PIBF1: variants seen among roughly 807,000 people sequenced by gnomAD.
PIBF1 encodes progesterone immunomodulatory binding factor 1.
A neutral mutation model predicts 112.5 loss-of-function variants in PIBF1; 90 were observed. The observed-to-expected ratio is 0.80, with a 90% CI of 0.67 to 0.95. PIBF1 has a LOEUF of 0.95. PIBF1 is among the 40% of genes least tolerant of loss of function. The pLI, the probability that PIBF1 is intolerant of heterozygous loss-of-function variation, is 0.00. For synonymous variants in PIBF1, 301 were observed against 288.6 expected (o/e 1.04, Z -0.44); for missense variants, 915 against 852.3 (o/e 1.07, Z -0.92).
chr13:72,937,485 A>G (rs897442982), intron 14 of PIBF1, among the ~76,000 whole-genome samples: 1 of 152,174 alleles, frequency 6.6e-6, no homozygotes, highest in Non-Finnish European at 1.5e-5. Context: ...ATTTATACAC[A>G]TATAAACTCC....
intron 5 of PIBF1, among the ~76,000 whole-genome samples, chr13:72,808,068 T>C (rs533245605): frequency 1.3e-5 from 2 of 152,358 alleles, no homozygotes; most frequent in Admixed American, 1.3e-4. Context: ...TACCATTTAA[T>C]GGGCATTTGA....
At chr13:72,878,323 G>A (rs896499240) in intron 10 of PIBF1, among the ~76,000 whole-genome samples, 11 of 151,690 alleles carry the variant, frequency 7.3e-5, no homozygotes, top group Admixed American at 2.0e-4. Context: ...GCACTTCTGC[G>A]TTCCACAAGT....
chr13:72,944,735 G>A (rs868151406), intron 14 of PIBF1, among the ~76,000 whole-genome samples: 27 of 151,852 alleles, frequency 1.8e-4, no homozygotes, highest in Middle Eastern at 3.2e-3. Context: ...TTAGATTCAG[G>A]GGTACATGGG....
rs114528448 is a variant in PIBF1 at position 72,838,464 on chromosome 13, C to T, written c.1223+3096C>T. On this transcript the variant is annotated intron_variant, in intron 9 of 17. Transcript: ENST00000326291. ...AAGTTTAATTGAGCAATGAACAATTCGCAAATCAGGCAGCTTCCAGAATCA... is the reference window on the plus strand; with the variant it reads ...AAGTTTAATTGAGCAATGAACAATTTGCAAATCAGGCAGCTTCCAGAATCA... 6.9e-3 allele frequency among the ~76,000 whole-genome samples: 1,054 copies of T among 152,276 alleles called. 15 individuals are homozygous for T. Among genetic ancestry groups the T allele is most frequent in the African/African-American group, 0.024 (1,017 of 41,546 alleles).
chr13:72,837,262 CCT>C (rs1402244092), intron 9 of PIBF1, among the ~76,000 whole-genome samples: 4 of 151,866 alleles, frequency 2.6e-5, no homozygotes, highest in African/African-American at 9.7e-5. Flanking sequence ...AATAAAAACA[CCT>C]CTGCATTTGT....
intron 10 of PIBF1, among the ~76,000 whole-genome samples, chr13:72,890,971 T>G (rs772401028): frequency 1.3e-5 from 2 of 152,170 alleles, no homozygotes; most frequent in Non-Finnish European, 2.9e-5. Context: ...TACCATTTCA[T>G]TTTACAAAGC....
At chr13:72,844,772 C>CTT (rs1217568462) in intron 9 of PIBF1, among the ~76,000 whole-genome samples, 7 of 115,140 alleles carry the variant, frequency 6.1e-5, no homozygotes, top group Admixed American at 1.7e-4. Flanking sequence ...CACACACACA[C>CTT]ACACACACAC....
chr13:72,809,085 C>T lies in PIBF1; in HGVS notation c.672+11059C>T, dbSNP rs370172362. Among the ~76,000 whole-genome samples, 27 of 147,036 alleles carry T rather than the reference C, an allele frequency of 1.8e-4. No individual in the cohort carries two copies. In the East Asian group the frequency reaches 5.0e-3, roughly 27 times the overall value. On this transcript the variant is annotated intron_variant, in intron 5 of 17. Coordinates refer to ENST00000326291, the MANE Select transcript of PIBF1 (RefSeq NM_006346.4). ...GTTTTACTTTATGGATCTTTCTTAT[C>T]CAAAATGGTCTTAATTTTTTTCACC...
At position 73,015,939 on chromosome 13, in the gene PIBF1, C is replaced by T. The variant is rs141270139; in HGVS notation, c.*20C>T. The T allele has an allele frequency of 3.5e-4, 542 of 1,537,752 alleles. 9 individuals carry two copies. In the Admixed American group the frequency reaches 9.5e-3, roughly 27 times the overall value. ...ACCTAGTGTTTTGGATGGGAAGCAC[C>T]TGTAGACCATTATATACTCCTGAAG... On this transcript the variant is annotated 3_prime_UTR_variant, in exon 18 of 18. Transcript: ENST00000326291.
At chr13:72,786,775 T>C (rs2034619384) in intron 2 of PIBF1, among the ~76,000 whole-genome samples, 1 of 152,244 alleles carries the variant, frequency 6.6e-6, no homozygotes, top group African/African-American at 2.4e-5. Flanking sequence ...GTAGAGTTTT[T>C]TTCTCTATCA....
Position 72,908,668 on chromosome 13 carries a change from G to A in PIBF1, c.1626G>A (p.Met542Ile), listed in dbSNP as rs1353177142. ...KLEKELDEII[M>I]QTAEIENEDE... ...AAAAAGAGCTTGATGAAATAATAAT[G>A]CAAACTGCAGAAAGTAAGTCTTCCC... The change falls in exon 12 of 18, where the codon ATG becomes ATA. Residue 542 changes from methionine (M) to isoleucine (I), a missense_variant. Physicochemically the swap from Met to Ile is conservative, Grantham distance 10 (BLOSUM62 1). Coordinates refer to ENST00000326291, the MANE Select transcript of PIBF1 (RefSeq NM_006346.4). 1.2e-6 allele frequency: 2 copies of A among 1,611,578 alleles called. No individual in the cohort carries two copies. Among genetic ancestry groups the A allele is most frequent in the Non-Finnish European group, 1.7e-6 (2 of 1,179,040 alleles).
At chr13:72,783,752 A>G (rs371249808) in intron 2 of PIBF1, 31 bp downstream of exon 2, 2 of 1,597,296 alleles carry the variant, frequency 1.3e-6, no homozygotes, top group South Asian at 1.1e-5. Context: ...TGTGTTCTAT[A>G]TGCTTTATTG....
chr13:73,004,077 G>A (rs2043956241), intron 17 of PIBF1, among the ~76,000 whole-genome samples: 1 of 152,158 alleles, frequency 6.6e-6, no homozygotes, highest in Non-Finnish European at 1.5e-5. Context: ...AATAGACACT[G>A]TGGTTTTGGA....
chr13:73,005,272 T>C (rs550261912), intron 17 of PIBF1, among the ~76,000 whole-genome samples: 2 of 151,852 alleles, frequency 1.3e-5, no homozygotes, highest in South Asian at 4.2e-4. Context: ...GGGCAAAAAC[T>C]TTTGTGAGAT....
chr13:72,905,759 G>A (rs2040681327), intron 11 of PIBF1, among the ~76,000 whole-genome samples: 1 of 152,092 alleles, frequency 6.6e-6, no homozygotes. Flanking sequence ...GACTCTCATA[G>A]ACCTGTCAAC....
intron 2 of PIBF1, among the ~76,000 whole-genome samples, chr13:72,789,508 A>C: frequency 6.6e-6 from 1 of 152,084 alleles, no homozygotes; most frequent in African/African-American, 2.4e-5. Flanking sequence ...TAAATGCCCC[A>C]AACTCTTTTT....
At chr13:72,785,700 T>C (rs1337166571) in intron 2 of PIBF1, among the ~76,000 whole-genome samples, 1 of 152,188 alleles carries the variant, frequency 6.6e-6, no homozygotes, top group Non-Finnish European at 1.5e-5. Context: ...CCATCTACCT[T>C]CACCTCTCCA....
intron 10 of PIBF1, among the ~76,000 whole-genome samples, chr13:72,872,305 G>C (rs184181283): frequency 2.6e-5 from 4 of 152,294 alleles, no homozygotes; most frequent in Admixed American, 6.5e-5. Context: ...GGTAGTTTGA[G>C]ATGATAGTGA....
At chr13:72,802,261 A>C (rs1253769951) in intron 5 of PIBF1, among the ~76,000 whole-genome samples, 1 of 152,146 alleles carries the variant, frequency 6.6e-6, no homozygotes, top group African/African-American at 2.4e-5. Flanking sequence ...GTAGACCGTC[A>C]ACAAATGTTT....
Sources: allele counts gnomAD v4.1 joint callset (sites outside exome capture counted in the v4.1 genomes callset), GRCh38; gene constraint gnomAD v4.1.1; transcripts MANE v1.5; gene names NCBI Gene and HGNC (gene_info 2026-07-23, HGNC 2026-07-21).